Variants in RYR2 observed in about 807,000 individuals in gnomAD.
The protein encoded by RYR2 is ryanodine receptor 2, also known as cardiac muscle ryanodine receptor-calcium release channel.
In RYR2, 227 loss-of-function variants were observed where a neutral mutation model predicts 601.1. That is an observed-to-expected ratio of 0.38 (90% CI 0.34 to 0.42). The LOEUF (loss-of-function observed/expected upper bound fraction) is 0.42, where lower values mean the gene tolerates loss of function less well. Ranked by LOEUF, RYR2 falls within the 10% of genes least tolerant of loss-of-function variation. The pLI is 1.00. For missense variants in RYR2, 4,646 were observed against 6,156.5 expected (o/e 0.75, Z 8.21); for synonymous variants, 2,223 against 2,175.1 (o/e 1.02, Z -0.61).
Position 237,770,827 on chromosome 1 carries a change from G to A in RYR2, c.11497G>A (p.Asp3833Asn), listed in dbSNP as rs768711283. ...EGSGEKVLQD[D>N]EFTCDLFRFL... ...CACAGGAGAAAAGGTTCTGCAGGAC[G>A]ATGAGTTCACCTGTGACCTCTTCCG... The change falls in exon 85 of 105, where the codon GAT becomes AAT. Residue 3833 changes from aspartate to asparagine, a missense_variant. Around this residue, in one of 17 missense-constraint regions of RYR2, gnomAD observed 1,497 missense variants for 1,842.6 expected, o/e 0.81. Coordinates refer to ENST00000366574, the MANE Select transcript of RYR2 (RefSeq NM_001035.3). The A allele has an allele frequency of 3.7e-5, 58 of 1,553,506 alleles. No homozygotes were observed. The highest frequency in any genetic ancestry group is 7.8e-5 in the Admixed American group (4 of 51,588).
intron 71 of RYR2, among the ~76,000 whole-genome samples, chr1:237,714,820 C>T (rs1573638784): frequency 6.6e-6 from 1 of 151,416 alleles, no homozygotes; most frequent in Non-Finnish European, 1.5e-5. Flanking sequence ...GAAACCCCAT[C>T]TCTACTAAAA....
At chr1:237,266,919 T>C (rs868199986) in intron 1 of RYR2, among the ~76,000 whole-genome samples, 4 of 152,166 alleles carry the variant, frequency 2.6e-5, no homozygotes, top group Non-Finnish European at 5.9e-5. Context: ...CTTGGTGGTA[T>C]AGTGGAGCTC....
chr1:237,305,794 A>G (rs894999877), intron 2 of RYR2, among the ~76,000 whole-genome samples: 1 of 152,192 alleles, frequency 6.6e-6, no homozygotes, highest in African/African-American at 2.4e-5. Flanking sequence ...ATAAAGAAAA[A>G]CAGGAGAATG....
intron 1 of RYR2, among the ~76,000 whole-genome samples, chr1:237,141,368 T>C (rs1258665790): frequency 6.6e-6 from 1 of 152,240 alleles, no homozygotes; most frequent in Non-Finnish European, 1.5e-5. Context: ...TAAATGATGG[T>C]TGAATTTTTT....
intron 3 of RYR2, among the ~76,000 whole-genome samples, chr1:237,354,226 T>A (rs1046653150): frequency 6.6e-6 from 1 of 152,170 alleles, no homozygotes; most frequent in African/African-American, 2.4e-5. Flanking sequence ...GAACTGTGTC[T>A]TTTGTAATAT....
chr1:237,233,368 C>T (rs534671028), intron 1 of RYR2, among the ~76,000 whole-genome samples: 1 of 152,254 alleles, frequency 6.6e-6, no homozygotes, highest in African/African-American at 2.4e-5. Flanking sequence ...CTTGCACAAG[C>T]TCAGCTACAT....
intron 1 of RYR2, among the ~76,000 whole-genome samples, chr1:237,104,731 A>G (rs913284840): frequency 2.0e-5 from 3 of 152,088 alleles, no homozygotes; most frequent in Non-Finnish European, 4.4e-5. Flanking sequence ...ACTTACTTGT[A>G]TATGTACTTC....
intron 87 of RYR2, among the ~76,000 whole-genome samples, chr1:237,774,354 G>A (rs2149321377): frequency 6.6e-6 from 1 of 152,152 alleles, no homozygotes; most frequent in East Asian, 1.9e-4. Context: ...AAGCTTGTGG[G>A]GAGAAGAAAG....
chr1:237,318,895 A>AT (rs1245869371), intron 2 of RYR2, among the ~76,000 whole-genome samples: 1 of 151,744 alleles, frequency 6.6e-6, no homozygotes, highest in East Asian at 1.9e-4. Context: ...GTTTAAATGC[A>AT]TTTTTCTGAC....
At chr1:237,422,346 C>A (rs573545585) in intron 11 of RYR2, among the ~76,000 whole-genome samples, 1 of 152,040 alleles carries the variant, frequency 6.6e-6, no homozygotes, top group African/African-American at 2.4e-5. Context: ...TCATCTCAAA[C>A]GTTTATCATT....
At chr1:237,352,044 T>A (rs1698900084) in intron 3 of RYR2, among the ~76,000 whole-genome samples, 1 of 151,714 alleles carries the variant, frequency 6.6e-6, no homozygotes, top group South Asian at 2.1e-4. Flanking sequence ...TAAAAAAATA[T>A]TTATTTTAAC....
At chr1:237,445,630 A>G (rs996734143) in intron 14 of RYR2, 108 bp downstream of exon 14, 6 of 1,357,934 alleles carry the variant, frequency 4.4e-6, no homozygotes, top group Non-Finnish European at 6.1e-6. Flanking sequence ...TAAATCTCAT[A>G]CTGTTTGGTA....
intron 80 of RYR2, among the ~76,000 whole-genome samples, chr1:237,755,810 TC>T (rs2149260439): frequency 1.3e-5 from 2 of 152,316 alleles, no homozygotes; most frequent in South Asian, 4.1e-4. Context: ...ATATCAGCTT[TC>T]AATTTTACTT....
At chr1:237,704,300 A>G (rs1241980820) in intron 66 of RYR2, among the ~76,000 whole-genome samples, 1 of 152,100 alleles carries the variant, frequency 6.6e-6, no homozygotes, top group Non-Finnish European at 1.5e-5. Context: ...TCTGAACTTT[A>G]TTTCTCTTGG....
chr1:237,509,915 G>C (rs1665709332), intron 23 of RYR2, among the ~76,000 whole-genome samples: 1 of 152,230 alleles, frequency 6.6e-6, no homozygotes, highest in African/African-American at 2.4e-5. Flanking sequence ...CATTAGCCAT[G>C]ACCTTTCAGT....
intron 1 of RYR2, among the ~76,000 whole-genome samples, chr1:237,252,642 T>C (rs1428574023): frequency 6.6e-6 from 1 of 152,226 alleles, no homozygotes; most frequent in East Asian, 1.9e-4. Context: ...GTAACAAGTA[T>C]TCGTAGTCTT....
chr1:237,644,957 G>A (rs572431444), intron 48 of RYR2, among the ~76,000 whole-genome samples: 16 of 152,234 alleles, frequency 1.1e-4, no homozygotes, highest in African/African-American at 3.9e-4. Context: ...GCTTGAACCC[G>A]GGGCAGTGGG....
intron 3 of RYR2, among the ~76,000 whole-genome samples, chr1:237,339,232 C>G (rs1382980175): frequency 6.6e-6 from 1 of 152,116 alleles, no homozygotes; most frequent in African/African-American, 2.4e-5. Context: ...TAATACCACA[C>G]TCATCATGTT....
intron 5 of RYR2, among the ~76,000 whole-genome samples, chr1:237,368,098 A>G (rs1002093139): frequency 2.6e-5 from 4 of 152,172 alleles, no homozygotes; most frequent in African/African-American, 9.7e-5. Context: ...TAGAGAAGGT[A>G]GTCTTTAATC....
Sources: gnomAD v4.1 joint callset for allele counts (sites outside exome capture counted in the v4.1 genomes callset) on GRCh38, gnomAD v4.1.1 for gene constraint, gnomAD v4.1.1 regional missense constraint, MANE v1.5 for transcripts, NCBI Gene and HGNC (gene_info 2026-07-23, HGNC 2026-07-21) for gene names.